SH2D4B: variants seen among roughly 807,000 people sequenced by gnomAD.
SH2D4B encodes the protein SH2 domain-containing protein 4B.
A neutral mutation model predicts 61.5 loss-of-function variants in SH2D4B; 45 were observed. The ratio of observed to expected loss-of-function variants is 0.73; its 90% CI spans 0.58 to 0.94. SH2D4B has a LOEUF of 0.94. Among genes scored for constraint, SH2D4B ranks in the 40% least tolerant of loss-of-function variants. The pLI is 0.00. For missense variants in SH2D4B, 572 were observed against 574.2 expected (o/e 1.00, Z 0.04); for synonymous variants, 224 against 220.4 (o/e 1.02, Z -0.14).
chr10:80,586,834 G>A lies in SH2D4B; in HGVS notation c.496-1796G>A, dbSNP rs557910198. 2.4e-4 allele frequency among the ~76,000 whole-genome samples: 36 copies of A among 152,280 alleles called. No individual in the cohort carries two copies. In the South Asian group the frequency reaches 7.3e-3, roughly 31 times the overall value. ...GCCTTTATGAGCTGTAACACTCATA[G>A]TGAAGGTCTGCAGCTGCACTCCTGA... On this transcript the variant is annotated intron_variant, in intron 3 of 7. Coordinates refer to ENST00000646907, the MANE Select transcript of SH2D4B (RefSeq NM_001388272.1).
At chr10:80,559,007 T>C (rs1261105023) in intron 1 of SH2D4B, among the ~76,000 whole-genome samples, 1 of 152,226 alleles carries the variant, frequency 6.6e-6, no homozygotes, top group African/African-American at 2.4e-5. Flanking sequence ...AATATTCTTT[T>C]ATAATCACTT....
chr10:80,553,719 T>A (rs1056212022), intron 1 of SH2D4B, among the ~76,000 whole-genome samples: 6 of 152,214 alleles, frequency 3.9e-5, no homozygotes, highest in Non-Finnish European at 8.8e-5. Context: ...ACCAGCCCCA[T>A]GTCTGTGTTG....
At chr10:80,586,770 C>T (rs1248957042) in intron 3 of SH2D4B, among the ~76,000 whole-genome samples, 1 of 152,150 alleles carries the variant, frequency 6.6e-6, no homozygotes, top group African/African-American at 2.4e-5. Context: ...TCACTCTTTA[C>T]AATAAATCTT....
chr10:80,572,757 G>A (rs536992894), intron 3 of SH2D4B, among the ~76,000 whole-genome samples: 24 of 149,812 alleles, frequency 1.6e-4, no homozygotes, highest in Non-Finnish European at 1.8e-4. Flanking sequence ...GTAACTGGGA[G>A]TACAGGCGTG....
chr10:80,543,292 G>A (rs973971621), intron 1 of SH2D4B, among the ~76,000 whole-genome samples: 3 of 152,134 alleles, frequency 2.0e-5, no homozygotes, highest in South Asian at 4.1e-4. Context: ...GGGAACCGGG[G>A]CCAGCGCGAG....
intron 1 of SH2D4B, among the ~76,000 whole-genome samples, chr10:80,555,391 T>C (rs999029191): frequency 6.6e-6 from 1 of 152,232 alleles, no homozygotes; most frequent in Admixed American, 6.5e-5. Context: ...TTTCTCTCTG[T>C]GCACTTGCTT....
chr10:80,587,033 C>T (rs1473682374), intron 3 of SH2D4B, among the ~76,000 whole-genome samples: 1 of 151,886 alleles, frequency 6.6e-6, no homozygotes, highest in South Asian at 2.1e-4. Context: ...GAACAAACTC[C>T]GGATATGCCA....
At chr10:80,549,198 CTTGA>C (rs914704083) in intron 1 of SH2D4B, among the ~76,000 whole-genome samples, 6 of 8,922 alleles carry the variant, frequency 6.7e-4, no homozygotes, top group African/African-American at 6.0e-3. Flanking sequence ...TGTGATGGGA[CTTGA>C]TTGTGTGTGT....
intron 1 of SH2D4B, among the ~76,000 whole-genome samples, chr10:80,545,384 T>TCTC (rs1366192820): frequency 6.6e-6 from 1 of 151,636 alleles, no homozygotes; most frequent in Non-Finnish European, 1.5e-5. Flanking sequence ...TTCTTTTGCT[T>TCTC]CTCCTCCTCC....
chr10:80,603,767 C>G lies in SH2D4B; in HGVS notation c.832C>G (p.Leu278Val). The change falls in exon 5 of 8, where the codon CTG becomes GTG. Residue 278 changes from leucine to valine, a missense_variant. Leu to Val is a conservative substitution (Grantham distance 32, BLOSUM62 1). Transcript: ENST00000646907. ...RLYHHLPDPG[L>V]PQPLALPVSR... The stretch of plus-strand genomic sequence containing the variant: ...CTACCACCACCTCCCCGACCCGGGT[C>G]TGCCGCAGCCCCTTGCCCTGCCGGT... The G allele has an allele frequency of 6.2e-7, 1 of 1,611,762 alleles. No individual in the cohort carries two copies. Among genetic ancestry groups the G allele is most frequent in the Non-Finnish European group, 8.5e-7 (1 of 1,179,768 alleles).
At chr10:80,616,001 G>A (rs1468059728) in intron 6 of SH2D4B, among the ~76,000 whole-genome samples, 2 of 152,114 alleles carry the variant, frequency 1.3e-5, no homozygotes, top group Admixed American at 6.5e-5. Flanking sequence ...GCACGTGCAA[G>A]GTGGTTCATC....
intron 6 of SH2D4B, among the ~76,000 whole-genome samples, chr10:80,617,466 C>T (rs117474348): frequency 6.6e-6 from 1 of 152,138 alleles, no homozygotes; most frequent in Non-Finnish European, 1.5e-5. Flanking sequence ...TAGACAGGGG[C>T]AAGAGAAGAC....
intron 6 of SH2D4B, among the ~76,000 whole-genome samples, chr10:80,620,909 A>G (rs7067934): frequency 0.9 from 137,055 of 152,284 alleles, 61,902 homozygotes; most frequent in African/African-American, 0.98. Context: ...TCCAGACACT[A>G]TTCTAGACAT....
chr10:80,573,624 G>A (rs1316348169), intron 3 of SH2D4B, among the ~76,000 whole-genome samples: 1 of 152,080 alleles, frequency 6.6e-6, no homozygotes, highest in African/African-American at 2.4e-5. Flanking sequence ...GCCTTCATTG[G>A]ATTCTTACTT....
intron 1 of SH2D4B, among the ~76,000 whole-genome samples, chr10:80,543,619 A>T (rs574730136): frequency 6.6e-6 from 1 of 152,318 alleles, no homozygotes; most frequent in Admixed American, 6.5e-5. Context: ...CGGGACTGGC[A>T]GGCAGCTCCA....
At chr10:80,598,614 A>G (rs1380543611) in intron 4 of SH2D4B, among the ~76,000 whole-genome samples, 1 of 152,186 alleles carries the variant, frequency 6.6e-6, no homozygotes, top group Non-Finnish European at 1.5e-5. Context: ...GTTTTTGATA[A>G]AACACCCAAA....
chr10:80,626,487 C>A (rs539120323), intron 6 of SH2D4B, among the ~76,000 whole-genome samples: 1 of 152,276 alleles, frequency 6.6e-6, no homozygotes, highest in South Asian at 2.1e-4. Context: ...TAAAATATTG[C>A]CTCCTCTCCT....
intron 4 of SH2D4B, among the ~76,000 whole-genome samples, chr10:80,603,216 A>G (rs1432760595): frequency 2.0e-5 from 3 of 152,106 alleles, no homozygotes; most frequent in African/African-American, 7.2e-5. Flanking sequence ...ACTCCCAGGA[A>G]GAAATAGATA....
chr10:80,545,032 G>A (rs1279258332), intron 1 of SH2D4B, among the ~76,000 whole-genome samples: 1 of 152,012 alleles, frequency 6.6e-6, no homozygotes, highest in East Asian at 1.9e-4. Flanking sequence ...TTCAAAACCT[G>A]CCTACTTTTC....
Sources: allele counts gnomAD v4.1 joint callset (sites outside exome capture counted in the v4.1 genomes callset), GRCh38; gene constraint gnomAD v4.1.1; transcripts MANE v1.5; gene names NCBI Gene and HGNC (gene_info 2026-07-23, HGNC 2026-07-21).